Variants in BAIAP2L2 observed in about 807,000 individuals in gnomAD.
The protein encoded by BAIAP2L2 is BAR/IMD domain containing adaptor protein 2 like 2, also known as BAR/IMD domain-containing adapter protein 2-like 2.
Under a neutral mutation model 60.4 loss-of-function variants are expected in BAIAP2L2, and 65 were observed. The observed-to-expected ratio is 1.08, with a 90% CI of 0.88 to 1.32. The LOEUF is 1.32. Among genes scored for constraint, BAIAP2L2 ranks in the 40% most tolerant of loss-of-function variants. The pLI, the probability that BAIAP2L2 is intolerant of heterozygous loss-of-function variation, is 0.00. For synonymous variants in BAIAP2L2, 344 were observed against 301.7 expected (o/e 1.14, Z -1.45); for missense variants, 836 against 741.2 (o/e 1.13, Z -1.48).
At chr22:38,092,983 A>G (rs970224843) in intron 7 of BAIAP2L2, among the ~76,000 whole-genome samples, 1 of 152,074 alleles carries the variant, frequency 6.6e-6, no homozygotes, top group African/African-American at 2.4e-5. Flanking sequence ...CCTGGCCAAC[A>G]TGGTGAAACC....
chr22:38,094,875 G>C (rs960604045), intron 7 of BAIAP2L2, among the ~76,000 whole-genome samples: 6 of 152,038 alleles, frequency 3.9e-5, no homozygotes, highest in Non-Finnish European at 8.8e-5. Flanking sequence ...GCCAGGACCG[G>C]GCGTGGTGGC....
chr22:38,096,989 G>C (rs1261425846), intron 7 of BAIAP2L2, 43 bp downstream of exon 7: 2 of 1,578,214 alleles, frequency 1.3e-6, no homozygotes, highest in African/African-American at 2.7e-5. Context: ...GGAGGGGGCA[G>C]CTCCTAGAAG....
At chr22:38,089,463 CGGGCCCCCGCGGG>C (rs2086223488) in intron 8 of BAIAP2L2, 46 bp downstream of exon 8, 1 of 1,023,896 alleles carries the variant, frequency 9.8e-7, no homozygotes, top group African/African-American at 1.7e-5. Context: ...CCTGAGGCCC[CGGGCCCCCGCGGG>C]GGGCGGCGGG....
chr22:38,108,438 G>T, intron 2 of BAIAP2L2, 97 bp from the exon 3 acceptor site: 1 of 958,160 alleles, frequency 1.0e-6, no homozygotes, highest in Non-Finnish European at 1.6e-6. Flanking sequence ...TGTCCTGGGT[G>T]GGGTGTGGGC....
chr22:38,094,755 A>C (rs1048714327), intron 7 of BAIAP2L2, among the ~76,000 whole-genome samples: 5 of 152,102 alleles, frequency 3.3e-5, no homozygotes, highest in Non-Finnish European at 7.4e-5. Flanking sequence ...CCTGAGCCGA[A>C]ATCTGGGTCT....
chr22:38,088,823 G>T lies in BAIAP2L2; in HGVS notation c.1043C>A (p.Ala348Asp), dbSNP rs764141561. The T allele has an allele frequency of 1.0e-5, 16 of 1,600,580 alleles. No individual in the cohort carries two copies. Among genetic ancestry groups the T allele is most frequent in the Non-Finnish European group, 1.3e-5 (15 of 1,179,668 alleles). Residue 348 changes from alanine to aspartate, a missense_variant, in exon 10 of 14, where the codon GCT becomes GAT. Ala to Asp is a moderately radical substitution (Grantham distance 126). Transcript: ENST00000381669. ...CACCAACACCTCCACCACGTCCCCA[G>T]CGGAGAAGCGCAGCAGCGTGTGGTT... ...GANHTLLRFSAGDVVEVLVPE... is the reference protein window; with the variant it reads ...GANHTLLRFSDGDVVEVLVPE...
chr22:38,087,954 A>ATCC (rs1348186133), intron 10 of BAIAP2L2, among the ~76,000 whole-genome samples: 3 of 139,948 alleles, frequency 2.1e-5, no homozygotes, highest in Non-Finnish European at 4.6e-5. Flanking sequence ...CCAGACGCAC[A>ATCC]TCCCCTGGTC....
chr22:38,085,423 C>T (rs764449168), intron 13 of BAIAP2L2, 48 bp from the exon 14 acceptor site: 2 of 1,577,326 alleles, frequency 1.3e-6, no homozygotes, highest in Non-Finnish European at 1.7e-6. Context: ...ATGATCCCCA[C>T]CTGGCCATGG....
intron 7 of BAIAP2L2, among the ~76,000 whole-genome samples, chr22:38,092,095 A>G (rs1569221531): frequency 1.3e-5 from 2 of 152,256 alleles, no homozygotes; most frequent in African/African-American, 2.4e-5. Context: ...TTCCACTTCT[A>G]GGAATTTATC....
In BAIAP2L2 at chr22:38,097,139, C is replaced by A. The variant is rs1569225319; in HGVS notation, c.505G>T (p.Val169Leu). 1 of 1,613,938 alleles carries A rather than the reference C, an allele frequency of 6.2e-7. No individual in the cohort carries two copies. Among genetic ancestry groups the A allele is most frequent in the Non-Finnish European group, 8.5e-7 (1 of 1,180,032 alleles). The change falls in exon 7 of 14, where the codon GTG (valine) becomes TTG (leucine). Residue 169 changes from valine to leucine, a missense_variant. Transcript: ENST00000381669. ...NRLHAQMQAF[V>L]SESQRAAELE... is the part of the protein sequence containing the mutation. The stretch of plus-strand genomic sequence containing the variant: ...TCAGCCGCCCGCTGACTCTCAGACA[C>A]GAAGGCCTGCATCTGTGCGTGCAGC...
chr22:38,106,059 C>T (rs1171926191), intron 4 of BAIAP2L2, among the ~76,000 whole-genome samples: 2 of 152,138 alleles, frequency 1.3e-5, no homozygotes, highest in East Asian at 3.8e-4. Context: ...ACAAGGACAG[C>T]CATTGAACAC....
At chr22:38,091,937 G>A (rs2086314327) in intron 7 of BAIAP2L2, among the ~76,000 whole-genome samples, 1 of 152,134 alleles carries the variant, frequency 6.6e-6, no homozygotes, top group African/African-American at 2.4e-5. Flanking sequence ...AAGCCACACC[G>A]AGATACCATT....
chr22:38,109,902 CAGGT>C (rs2086767738), intron 1 of BAIAP2L2, among the ~76,000 whole-genome samples: 1 of 150,818 alleles, frequency 6.6e-6, no homozygotes, highest in Admixed American at 6.6e-5. Context: ...TTCCACCTCA[CAGGT>C]GGGTGGTGTG....
chr22:38,087,082 C>T (rs1170238172), intron 11 of BAIAP2L2, 42 bp downstream of exon 11: 4 of 1,485,012 alleles, frequency 2.7e-6, no homozygotes, highest in Non-Finnish European at 3.6e-6. Flanking sequence ...GACACCCTTG[C>T]CGGCGTCCTC....
chr22:38,085,051 G>A lies in BAIAP2L2; in HGVS notation c.*249C>T, dbSNP rs1044562090. The A allele has an allele frequency of 2.0e-5, 10 of 493,232 alleles. No individual in the cohort carries two copies. The highest frequency in any genetic ancestry group is 1.6e-4 in the African/African-American group (8 of 51,188). The allele number at this position is 493,232 out of a possible 1,614,324, so 30.6% of individuals were successfully genotyped here. A position where few individuals can be genotyped will look rare whatever the true frequency, so the allele number is the denominator to read the frequency against. On this transcript the variant is annotated 3_prime_UTR_variant, in exon 14 of 14. Coordinates refer to ENST00000381669, the MANE Select transcript of BAIAP2L2 (RefSeq NM_025045.6). ...GCAAGAGGTGGGCCCCCCAGGGAGAGTCCTGGAGCCCCTGGAGGGGGAGAA... is the reference window on the plus strand; with the variant it reads ...GCAAGAGGTGGGCCCCCCAGGGAGAATCCTGGAGCCCCTGGAGGGGGAGAA...
intron 4 of BAIAP2L2, among the ~76,000 whole-genome samples, chr22:38,106,567 A>G (rs2086669050): frequency 6.6e-6 from 1 of 151,064 alleles, no homozygotes; most frequent in African/African-American, 2.4e-5. Flanking sequence ...CCCATGCCCA[A>G]CTGACTAGTA....
intron 4 of BAIAP2L2, among the ~76,000 whole-genome samples, chr22:38,103,406 G>T (rs954657684): frequency 1.3e-5 from 2 of 152,198 alleles, no homozygotes; most frequent in African/African-American, 4.8e-5. Context: ...AGCACCACTA[G>T]TATTCAGATT....
At chr22:38,091,319 G>A (rs1212015676) in intron 7 of BAIAP2L2, 2 of 152,222 alleles carry the variant, frequency 1.3e-5, no homozygotes, top group Non-Finnish European at 2.9e-5. Flanking sequence ...GCCTCACAAA[G>A]TGCTGGGATT....
chr22:38,087,894 C>CA (rs914251092), intron 10 of BAIAP2L2, among the ~76,000 whole-genome samples: 3 of 151,278 alleles, frequency 2.0e-5, no homozygotes, highest in Non-Finnish European at 3.0e-5. Context: ...TCAGTGACCC[C>CA]CCCCCCGCCA....
Sources: gnomAD v4.1 joint callset for allele counts (sites outside exome capture counted in the v4.1 genomes callset) on GRCh38, gnomAD v4.1.1 for gene constraint, MANE v1.5 for transcripts, NCBI Gene and HGNC (gene_info 2026-07-23, HGNC 2026-07-21) for gene names.